The following MUC5AC variants were observed in gnomAD, a reference collection of about 807,000 sequenced individuals.
The protein encoded by MUC5AC is mucin 5AC, oligomeric mucus/gel-forming.
Under a neutral mutation model 169.7 loss-of-function variants are expected in MUC5AC, and 158 were observed. The observed-to-expected ratio is 0.93, with a 90% confidence interval of 0.82 to 1.06. MUC5AC has a LOEUF of 1.06. MUC5AC is among the 50% of genes least tolerant of loss of function. MUC5AC has a pLI of 0.00. For synonymous variants in MUC5AC, 1,975 were observed against 1,237.0 expected, an observed-to-expected ratio of 1.60 and a Z score of -12.52; for missense variants, 4,359 against 3,089.9, an observed-to-expected ratio of 1.41 and a Z score of -9.74.
Position 1,187,151 on chromosome 11 carries a change from C to A in MUC5AC, c.9006C>A (p.Thr3002=). Reference sequence around the variant, plus strand: ...CAAGCACAACCTCTGCCCCTACAACCAGCACAATCTCGGCCCCAACAACCA... The same window carrying A: ...CAAGCACAACCTCTGCCCCTACAACAAGCACAATCTCGGCCCCAACAACCA... ...PTTSTTSAPT[T]STISAPTTST... is the part of the protein sequence containing the mutation. The change falls in exon 31 of 49, where the codon ACC becomes ACA. Residue 3002 remains threonine, a synonymous_variant. Transcript: ENST00000621226. 1.4e-6 allele frequency: 1 copy of A among 710,234 alleles called. No homozygotes were observed. The highest frequency in any genetic ancestry group is 2.0e-5 in the Admixed American group (1 of 50,060). The allele number at this position is 710,234 out of a possible 1,614,324, so 44.0% of individuals were successfully genotyped here.
In MUC5AC at chr11:1,199,436, T is replaced by C; in HGVS notation, c.16461T>C (p.Asp5487=). ...CCCACCAGTGTGAGAAGCACCAGGA[T>C]GGGCTCGTGGTGGTCACCACGAAGA... The part of the protein sequence containing the change: ...CVTHQCEKHQ[D]GLVVVTTKKA... Residue 5487 remains aspartate, a synonymous_variant, in exon 46 of 49, where the codon GAT becomes GAC. Transcript: ENST00000621226. 1 of 731,524 alleles carries C rather than the reference T, an allele frequency of 1.4e-6. No individual in the cohort carries two copies. Among genetic ancestry groups the C allele is most frequent in the Non-Finnish European group, 2.5e-6 (1 of 401,174 alleles). The allele number at this position is 731,524 out of a possible 1,614,324, so 45.3% of individuals were successfully genotyped here.
intron 24 of MUC5AC, among the ~76,000 whole-genome samples, 159 bp from the exon 25 acceptor site, chr11:1,178,285 G>A (rs1860733904): frequency 6.6e-6 from 1 of 151,972 alleles, no homozygotes; most frequent in Non-Finnish European, 1.5e-5. Flanking sequence ...GAGGTGGGAA[G>A]GAGGAAGCAG....
In MUC5AC at chr11:1,184,693, A is replaced by T. The variant is rs1860888726; in HGVS notation, c.6548A>T (p.Gln2183Leu). ...ATCGAACACCTGGGCCAGGTGGTGC[A>T]GTGCAGCCGGGAAGAGGGCCTGGTG... is the stretch of plus-strand genomic sequence containing the variant. ...VSIEHLGQVV[Q>L]CSREEGLVCR... The change falls in exon 31 of 49, where the codon CAG becomes CTG. Residue 2183 changes from glutamine to leucine, a missense_variant. Coordinates refer to ENST00000621226, the MANE Select transcript of MUC5AC (RefSeq NM_001304359.2). The T allele has an allele frequency of 1.5e-6, 1 of 661,814 alleles. No homozygotes were observed. Among genetic ancestry groups the T allele is most frequent in the African/African-American group, 1.8e-5 (1 of 56,050 alleles). The allele number at this position is 661,814 out of a possible 1,614,324, so 41.0% of individuals were successfully genotyped here.
In MUC5AC at chr11:1,187,611, C is replaced by G. The variant is rs1860986084; in HGVS notation, c.9466C>G (p.Pro3156Ala). Residue 3156 changes from proline to alanine, a missense_variant, in exon 31 of 49, where the codon CCC (proline) becomes GCC (alanine). Physicochemically the swap from Pro to Ala is conservative, Grantham distance 27. Coordinates refer to ENST00000621226, the MANE Select transcript of MUC5AC (RefSeq NM_001304359.2). Reference protein sequence around the residue: ...ASKTSGPGTTPSPVPTTSTIF... With the variant: ...ASKTSGPGTTASPVPTTSTIF... Reference sequence around the variant, plus strand: ...CAAAACCTCTGGTCCTGGAACCACTCCCAGCCCTGTTCCCACCACCAGCAC... The same window carrying G: ...CAAAACCTCTGGTCCTGGAACCACTGCCAGCCCTGTTCCCACCACCAGCAC... 4 of 762,914 alleles carry G rather than the reference C, an allele frequency of 5.2e-6. No individual in the cohort carries two copies. In the Admixed American group the frequency reaches 6.8e-5, roughly 13 times the overall value. The allele number at this position is 762,914 out of a possible 1,614,324, so 47.3% of individuals were successfully genotyped here. A position where few individuals can be genotyped will look rare whatever the true frequency, so the allele number is the denominator to read the frequency against.
chr11:1,164,501 C>T lies in MUC5AC; in HGVS notation c.1098C>T (p.Asp366=). 1.9e-6 allele frequency: 3 copies of T among 1,611,716 alleles called. No individual in the cohort carries two copies. Among genetic ancestry groups the T allele is most frequent in the Non-Finnish European group, 8.5e-7 (1 of 1,179,524 alleles). Residue 366 remains aspartate (D), a synonymous_variant, in exon 9 of 49, where the codon GAC becomes GAT. Coordinates refer to ENST00000621226, the MANE Select transcript of MUC5AC (RefSeq NM_001304359.2). ...SNQEHSRACE[D]HCVAGCFCPE... is the part of the protein sequence containing the mutation. ...AGGAGCACTCCCGGGCCTGTGAGGA[C>T]CACTGTGTGGCCGGCTGCTTCTGCC...
At chr11:1,166,523 TC>T (rs1860339993) in intron 11 of MUC5AC, among the ~76,000 whole-genome samples, 2 of 65,548 alleles carry the variant, frequency 3.1e-5, no homozygotes, top group South Asian at 6.1e-4. Flanking sequence ...ACACAGTCTC[TC>T]CACGATGAGA....
At chr11:1,167,775 T>G in intron 11 of MUC5AC, 102 bp from the exon 12 acceptor site, 3 of 989,676 alleles carry the variant, frequency 3.0e-6, no homozygotes, top group Non-Finnish European at 4.6e-6. Context: ...TGGAGTGGGG[T>G]TTTCTAGTGA....
chr11:1,188,523 A>G lies in MUC5AC; in HGVS notation c.10378A>G (p.Ser3460Gly), dbSNP rs1445901340. Residue 3460 changes from serine (S) to glycine (G), a missense_variant, in exon 31 of 49, where the codon AGC becomes GGC. Ser to Gly is a moderately conservative substitution (Grantham distance 56). Transcript: ENST00000621226. ...TTTSTTSAPT[S>G]STTSTPQTSK... Reference sequence around the variant, plus strand: ...AACCAGCACAACCTCTGCCCCTACAAGCAGCACAACCTCCACTCCACAGAC... The same window carrying G: ...AACCAGCACAACCTCTGCCCCTACAGGCAGCACAACCTCCACTCCACAGAC... The G allele has an allele frequency of 4.1e-5, 30 of 737,658 alleles. No homozygotes were observed. In the African/African-American group the frequency reaches 4.6e-4, roughly 11 times the overall value. 45.7% of individuals were successfully genotyped at this position (737,658 alleles called of 1,614,324 possible). A position where few individuals can be genotyped will look rare whatever the true frequency, so the allele number is the denominator to read the frequency against.
Position 1,197,489 on chromosome 11 carries a change from G to C in MUC5AC, c.15883G>C (p.Asp5295His), listed in dbSNP as rs1329150399. The change falls in exon 41 of 49, where the codon GAC (aspartate) becomes CAC (histidine). Residue 5295 changes from aspartate to histidine, a missense_variant. By Grantham distance (81) the Asp-to-His change is moderately conservative. Coordinates refer to ENST00000621226, the MANE Select transcript of MUC5AC (RefSeq NM_001304359.2). ...GCAGGTGGGCCACACCGTCGGCATG[G>C]ACTGCCAGGAGTGCACGTGTGAGGC... ...PVKVGHTVGM[D>H]CQECTCEAAT... 1 of 717,102 alleles carries C rather than the reference G, an allele frequency of 1.4e-6. No homozygotes were observed. The highest frequency in any genetic ancestry group is 1.9e-5 in the Admixed American group (1 of 52,306). 44.4% of individuals were successfully genotyped at this position (717,102 alleles called of 1,614,324 possible).
Position 1,164,445 on chromosome 11 carries a change from C to G in MUC5AC, c.1042C>G (p.Arg348Gly). 1 of 1,612,158 alleles carries G rather than the reference C, an allele frequency of 6.2e-7. No homozygotes were observed. Among genetic ancestry groups the G allele is most frequent in the African/African-American group, 1.3e-5 (1 of 75,040 alleles). ...CAACAACATGCAGTACCACGAGTGC[C>G]GCTCCCCCTGCGCAGACACCTGCTC... ...CPNNMQYHEC[R>G]SPCADTCSNQ... The change falls in exon 9 of 49, where the codon CGC (arginine) becomes GGC (glycine). Residue 348 changes from arginine to glycine, a missense_variant. Transcript: ENST00000621226.
chr11:1,162,753 G>A, intron 5 of MUC5AC, 107 bp downstream of exon 5: 1 of 1,129,496 alleles, frequency 8.9e-7, no homozygotes, highest in Non-Finnish European at 1.3e-6. Context: ...CCCAGTCAGG[G>A]TCAGACTCCA....
Position 1,190,546 on chromosome 11 carries a change from C to T in MUC5AC, c.12401C>T (p.Thr4134Ile), listed in dbSNP as rs1360245663. 1 of 697,148 alleles carries T rather than the reference C, an allele frequency of 1.4e-6. No homozygotes were observed. The highest frequency in any genetic ancestry group is 2.6e-6 in the Non-Finnish European group (1 of 381,624). 43.2% of individuals were successfully genotyped at this position (697,148 alleles called of 1,614,324 possible). ...APTTSTTSAP[T>I]TSTTSAPTHR... is the part of the protein sequence containing the mutation. ...ACAACCAGCACAACCTCTGCCCCTA[C>T]AACCAGCACGACCTCAGCTCCTACA... Residue 4134 changes from threonine (T) to isoleucine (I), a missense_variant, in exon 31 of 49, where the codon ACA becomes ATA. Transcript: ENST00000621226.
In MUC5AC at chr11:1,182,327, T is replaced by G. The variant is rs1198407470; in HGVS notation, c.4182T>G (p.Asp1394Glu). 2.5e-6 allele frequency: 1 copy of G among 398,388 alleles called. No individual in the cohort carries two copies. Among genetic ancestry groups the G allele is most frequent in the Non-Finnish European group, 4.4e-6 (1 of 225,988 alleles). 24.7% of individuals were successfully genotyped at this position (398,388 alleles called of 1,614,324 possible). Residue 1394 changes from aspartate to glutamate, a missense_variant, in exon 31 of 49, where the codon GAT (aspartate) becomes GAG (glutamate). By Grantham distance (45) the Asp-to-Glu change is conservative (BLOSUM62 2). Transcript: ENST00000621226. ...GEKCLWSPWM[D>E]VSRPGRGTDS... ...AGTGCCTGTGGTCGCCATGGATGGA[T>G]GTCAGCCGCCCTGGACGGGGCACGG... is the stretch of plus-strand genomic sequence containing the variant.
Position 1,195,184 on chromosome 11 carries a change from G to T in MUC5AC, c.15363G>T (p.Thr5121=), listed in dbSNP as rs113882034. 6.6e-6 allele frequency: 5 copies of T among 760,554 alleles called. No individual in the cohort carries two copies. The highest frequency in any genetic ancestry group is 1.2e-5 in the Non-Finnish European group (5 of 415,882). The allele number at this position is 760,554 out of a possible 1,614,324, so 47.1% of individuals were successfully genotyped here. ...GGCCCACCACAGTTGGGTCTACCAC[G>T]GTCGGGCCCACCACAGTTGGGTCTA... ...TVGPTTVGST[T]VGPTTVGSTT... Residue 5121 remains threonine, a synonymous_variant, in exon 36 of 49, where the codon ACG becomes ACT. Coordinates refer to ENST00000621226, the MANE Select transcript of MUC5AC (RefSeq NM_001304359.2).
At chr11:1,181,027 G>T in intron 28 of MUC5AC, 112 bp from the exon 29 acceptor site, 1 of 397,476 alleles carries the variant, frequency 2.5e-6, no homozygotes, top group Non-Finnish European at 4.4e-6. Context: ...AGTTCCCAGG[G>T]AACTCCACCC....
chr11:1,187,354 C>G lies in MUC5AC; in HGVS notation c.9209C>G (p.Pro3070Arg), dbSNP rs2133760577. The change falls in exon 31 of 49, where the codon CCT (proline) becomes CGT (arginine). Residue 3070 changes from proline to arginine, a missense_variant. Transcript: ENST00000621226. ...TCTGGTCCTGGAACTACCCCAAGCC[C>G]TGTTCCCACCACCAGCACAACCTCT... ...ITSGPGTTPSPVPTTSTTSAP... is the reference protein window; with the variant it reads ...ITSGPGTTPSRVPTTSTTSAP... 2 of 741,734 alleles carry G rather than the reference C, an allele frequency of 2.7e-6. No homozygotes were observed. The highest frequency in any genetic ancestry group is 5.0e-5 in the East Asian group (2 of 40,270). 45.9% of individuals were successfully genotyped at this position (741,734 alleles called of 1,614,324 possible).
chr11:1,161,753 T>C (rs1335046135), intron 3 of MUC5AC, among the ~76,000 whole-genome samples, 154 bp from the exon 4 acceptor site: 1 of 152,022 alleles, frequency 6.6e-6, no homozygotes, highest in Non-Finnish European at 1.5e-5. Flanking sequence ...TTCTGGGACT[T>C]CCCAGATGCA....
chr11:1,198,774 G>A (rs1426970916), intron 43 of MUC5AC, 100 bp from the exon 44 acceptor site: 1 of 653,400 alleles, frequency 1.5e-6, no homozygotes, highest in Admixed American at 2.2e-5. Flanking sequence ...GCCTGGAGGG[G>A]GATGTCTGGG....
intron 34 of MUC5AC, 41 bp from the exon 35 acceptor site, chr11:1,194,446 G>A (rs1267850646): frequency 2.8e-6 from 2 of 722,840 alleles, no homozygotes; most frequent in South Asian, 1.4e-5. Flanking sequence ...CCGCCCGCCC[G>A]CCTGCCTTCT....
Sources: allele counts gnomAD v4.1 joint callset (sites outside exome capture counted in the v4.1 genomes callset), GRCh38; gene constraint gnomAD v4.1.1; transcripts MANE v1.5; gene names NCBI Gene and HGNC (gene_info 2026-07-23, HGNC 2026-07-21).